Variants in WWOX observed in about 807,000 individuals in gnomAD.
WWOX encodes the protein WW domain containing oxidoreductase.
A neutral mutation model predicts 46.2 loss-of-function variants in WWOX; 69 were observed. That is an observed-to-expected ratio of 1.49 (90% CI 1.23 to 1.82). WWOX has a LOEUF of 1.82. Among genes scored for constraint, WWOX ranks in the 40% most tolerant of loss-of-function variants. The pLI, the probability that WWOX is intolerant of heterozygous loss-of-function variation, is 0.00. For missense variants in WWOX, 919 were observed against 542.6 expected, an observed-to-expected ratio of 1.69 and a Z score of -6.89; for synonymous variants, 359 against 202.6, an observed-to-expected ratio of 1.77 and a Z score of -6.56.
chr16:78,683,808 A>T (rs1305764119), intron 8 of WWOX, among the ~76,000 whole-genome samples: 2 of 152,160 alleles, frequency 1.3e-5, no homozygotes, highest in Non-Finnish European at 1.5e-5. Context: ...CTCACTCATC[A>T]AGATGTATGT....
At chr16:78,553,571 C>A (rs563724876) in intron 8 of WWOX, among the ~76,000 whole-genome samples, 2 of 152,196 alleles carry the variant, frequency 1.3e-5, no homozygotes, top group Admixed American at 1.3e-4. Context: ...CGCTAGAGCC[C>A]TGTAAAGAAA....
chr16:78,309,608 G>C (rs1485879907), intron 5 of WWOX, among the ~76,000 whole-genome samples: 1 of 152,132 alleles, frequency 6.6e-6, no homozygotes, highest in Non-Finnish European at 1.5e-5. Flanking sequence ...GCCACCTTGG[G>C]CACACGTTCC....
At chr16:78,425,217 T>C (rs140091517) in intron 7 of WWOX, among the ~76,000 whole-genome samples, 162 bp downstream of exon 7, 1 of 152,194 alleles carries the variant, frequency 6.6e-6, no homozygotes, top group Admixed American at 6.5e-5. Flanking sequence ...TTTGTTCGCC[T>C]GTGATTGTGG....
chr16:78,309,558 C>G (rs1597464778), intron 5 of WWOX, among the ~76,000 whole-genome samples: 1 of 152,146 alleles, frequency 6.6e-6, no homozygotes, highest in East Asian at 1.9e-4. Context: ...GTGCCTGTAA[C>G]TTTTTTCCCC....
chr16:78,380,256 G>A (rs1211270379), intron 5 of WWOX, among the ~76,000 whole-genome samples: 2 of 152,182 alleles, frequency 1.3e-5, no homozygotes, highest in African/African-American at 4.8e-5. Flanking sequence ...CAGGTACATA[G>A]TGTGGACATA....
intron 5 of WWOX, among the ~76,000 whole-genome samples, chr16:78,376,161 A>T (rs761837456): frequency 6.6e-6 from 1 of 152,132 alleles, no homozygotes; most frequent in Non-Finnish European, 1.5e-5. Context: ...CTTCTCGTAG[A>T]TACTACCCAG....
In WWOX at chr16:78,829,274, G is replaced by A. The variant is rs999247758; in HGVS notation, c.1057-382334G>A. Reference sequence around the variant, plus strand: ...GCCAGCAATCTGGAGATCCAGAAGGGCCCATGGTAGAAACCTCATCCAAAG... The same window carrying A: ...GCCAGCAATCTGGAGATCCAGAAGGACCCATGGTAGAAACCTCATCCAAAG... On this transcript the variant is annotated intron_variant, in intron 8 of 8. Transcript: ENST00000566780. Among the ~76,000 whole-genome samples, 3 of 152,064 alleles carry A rather than the reference G, an allele frequency of 2.0e-5. No homozygotes were observed. In the South Asian group the frequency reaches 6.2e-4, roughly 32 times the overall value.
At chr16:78,771,623 T>C (rs1332237778) in intron 8 of WWOX, among the ~76,000 whole-genome samples, 5 of 151,874 alleles carry the variant, frequency 3.3e-5, no homozygotes, top group African/African-American at 1.2e-4. Context: ...AATACAAAAA[T>C]TGGGCGGGCA....
chr16:78,410,940 C>T (rs986848722), intron 6 of WWOX, among the ~76,000 whole-genome samples: 1 of 152,020 alleles, frequency 6.6e-6, no homozygotes, highest in African/African-American at 2.4e-5. Flanking sequence ...AGCTATAATT[C>T]CTGACTATTG....
At chr16:78,790,159 C>T (rs761580367) in intron 8 of WWOX, among the ~76,000 whole-genome samples, 4 of 151,888 alleles carry the variant, frequency 2.6e-5, no homozygotes, top group Admixed American at 6.5e-5. Context: ...TTTTTTGGGA[C>T]AGGGTCTTGC....
chr16:78,848,549 T>A (rs2052358939), intron 8 of WWOX, among the ~76,000 whole-genome samples: 2 of 152,124 alleles, frequency 1.3e-5, no homozygotes, highest in Non-Finnish European at 2.9e-5. Flanking sequence ...TTATGTGGTG[T>A]TGCCTAAGGG....
At chr16:79,030,842 G>A (rs1338165914) in intron 8 of WWOX, among the ~76,000 whole-genome samples, 3 of 152,108 alleles carry the variant, frequency 2.0e-5, no homozygotes, top group Admixed American at 1.3e-4. Context: ...TAGCACTTTG[G>A]GAGGCTGAGG....
intron 8 of WWOX, among the ~76,000 whole-genome samples, chr16:78,884,056 A>G (rs940818755): frequency 6.6e-6 from 1 of 152,094 alleles, no homozygotes; most frequent in Non-Finnish European, 1.5e-5. Context: ...AGGCAGGCAG[A>G]TTGCTTGAGC....
intron 8 of WWOX, chr16:78,890,302 G>C (rs1036070446): frequency 7.2e-6 from 1 of 138,462 alleles, no homozygotes; most frequent in Admixed American, 6.8e-5. Flanking sequence ...ATTCTTATTT[G>C]ACCTCTTGCC....
At chr16:78,346,140 C>T (rs1281586360) in intron 5 of WWOX, among the ~76,000 whole-genome samples, 1 of 121,280 alleles carries the variant, frequency 8.2e-6, no homozygotes, top group Non-Finnish European at 2.0e-5. Flanking sequence ...ACTTGTTCTG[C>T]ATCTGGTTTC....
chr16:79,031,454 C>T (rs1191007580), intron 8 of WWOX, among the ~76,000 whole-genome samples: 1 of 151,880 alleles, frequency 6.6e-6, no homozygotes, highest in Non-Finnish European at 1.5e-5. Flanking sequence ...GAAAGGGACT[C>T]AATTTTTGTG....
At chr16:78,524,742 A>T (rs183329538) in intron 8 of WWOX, among the ~76,000 whole-genome samples, 1 of 151,572 alleles carries the variant, frequency 6.6e-6, no homozygotes, top group Non-Finnish European at 1.5e-5. Context: ...TTAAGTAACA[A>T]AGTATTAGCA....
At chr16:78,599,129 C>G (rs920138761) in intron 8 of WWOX, among the ~76,000 whole-genome samples, 4 of 152,140 alleles carry the variant, frequency 2.6e-5, no homozygotes, top group African/African-American at 9.7e-5. Flanking sequence ...CAGCTAAACT[C>G]CAGGGGTTGC....
intron 8 of WWOX, among the ~76,000 whole-genome samples, chr16:78,591,000 C>T (rs995231143): frequency 7.9e-5 from 12 of 152,120 alleles, no homozygotes; most frequent in Admixed American, 2.6e-4. Context: ...ACGTACAAGG[C>T]GCTCAACTCA....
Sources: allele counts gnomAD v4.1 joint callset (sites outside exome capture counted in the v4.1 genomes callset), GRCh38; gene constraint gnomAD v4.1.1; transcripts MANE v1.5; gene names NCBI Gene and HGNC (gene_info 2026-07-23, HGNC 2026-07-21).